CSMD1: variants seen among roughly 807,000 people sequenced by gnomAD.
The protein encoded by CSMD1 is CUB and Sushi multiple domains 1.
A neutral mutation model predicts 417.5 loss-of-function variants in CSMD1; 213 were observed. That is an observed-to-expected ratio of 0.51 (90% CI 0.46 to 0.57). The LOEUF is 0.57. CSMD1 is among the 20% of genes least tolerant of loss of function. The pLI is 0.00. For synonymous variants in CSMD1, 2,862 were observed against 1,736.8 expected (o/e 1.65, Z -16.11); for missense variants, 6,923 against 4,529.7 (o/e 1.53, Z -15.17).
chr8:3,286,386 C>T (rs1259567110), intron 25 of CSMD1, among the ~76,000 whole-genome samples: 1 of 151,912 alleles, frequency 6.6e-6, no homozygotes, highest in Non-Finnish European at 1.5e-5. Flanking sequence ...GTTCTAGATC[C>T]CTGAGGAATG....
At chr8:4,117,380 C>T (rs541747867) in intron 3 of CSMD1, among the ~76,000 whole-genome samples, 3 of 151,206 alleles carry the variant, frequency 2.0e-5, no homozygotes, top group African/African-American at 4.8e-5. Flanking sequence ...GGACACCAGG[C>T]AAAGGAGCTC....
chr8:3,848,520 G>A (rs116976559), intron 5 of CSMD1, among the ~76,000 whole-genome samples: 4 of 152,142 alleles, frequency 2.6e-5, no homozygotes, highest in African/African-American at 9.7e-5. Flanking sequence ...GCAAAAGCCT[G>A]AGAAGTTACT....
intron 3 of CSMD1, among the ~76,000 whole-genome samples, chr8:4,301,117 C>G (rs1797958472): frequency 6.6e-6 from 1 of 152,076 alleles, no homozygotes; most frequent in Non-Finnish European, 1.5e-5. Context: ...TGCAAAATTG[C>G]CCGTGTTTGA....
chr8:4,831,575 A>T (rs1310193141), intron 1 of CSMD1, among the ~76,000 whole-genome samples: 2 of 151,988 alleles, frequency 1.3e-5, no homozygotes, highest in African/African-American at 4.8e-5. Flanking sequence ...ACTCTTACAA[A>T]ATGTCATGCC....
chr8:4,147,487 C>G (rs766901375), intron 3 of CSMD1, among the ~76,000 whole-genome samples: 3 of 152,162 alleles, frequency 2.0e-5, no homozygotes, highest in Non-Finnish European at 4.4e-5. Flanking sequence ...TGCCTTTGTG[C>G]TCCCACCACA....
intron 2 of CSMD1, among the ~76,000 whole-genome samples, chr8:4,555,935 G>C (rs965698331): frequency 2.0e-5 from 3 of 152,006 alleles, no homozygotes; most frequent in African/African-American, 7.2e-5. Flanking sequence ...CTTTTCAACA[G>C]TTCCTTACTT....
rs78271163 is a variant in CSMD1 at position 4,047,246 on chromosome 8, C to G, written c.416-15147G>C. On this transcript the variant is annotated intron_variant, in intron 3 of 69. Transcript: ENST00000635120. ...TGACTCTAGTGTTCATCAAAGTCAT[C>G]TAAGTGGTAGGCACATGTATTCTGG... Among the ~76,000 whole-genome samples, 340 of 152,154 alleles carry G rather than the reference C, an allele frequency of 2.2e-3. 1 individual carries two copies. The highest frequency in any genetic ancestry group is 7.8e-3 in the African/African-American group (323 of 41,512).
At chr8:4,787,202 G>C (rs1473302315) in intron 1 of CSMD1, 3 of 458,462 alleles carry the variant, frequency 6.5e-6, no homozygotes, top group African/African-American at 2.0e-5. Context: ...AGGGTCGCGG[G>C]GCCCCGCCAG....
chr8:4,764,045 T>A (rs1415629550), intron 1 of CSMD1, among the ~76,000 whole-genome samples: 1 of 152,162 alleles, frequency 6.6e-6, no homozygotes, highest in Non-Finnish European at 1.5e-5. Flanking sequence ...TGCCCATGAA[T>A]TACGCTGGCA....
At chr8:4,936,545 G>A (rs1266101125) in intron 1 of CSMD1, among the ~76,000 whole-genome samples, 1 of 152,164 alleles carries the variant, frequency 6.6e-6, no homozygotes, top group Non-Finnish European at 1.5e-5. Flanking sequence ...ATAAATGTTT[G>A]GAGGTAGAAA....
At chr8:3,532,860 A>G (rs933898116) in intron 10 of CSMD1, among the ~76,000 whole-genome samples, 11 of 152,226 alleles carry the variant, frequency 7.2e-5, no homozygotes, top group African/African-American at 2.7e-4. Context: ...TACAGAAAAT[A>G]TAATTTCACA....
intron 1 of CSMD1, among the ~76,000 whole-genome samples, chr8:4,854,603 A>G (rs1333094222): frequency 6.6e-6 from 1 of 152,172 alleles, no homozygotes; most frequent in African/African-American, 2.4e-5. Context: ...TCACTTGGGA[A>G]GCGGAAGGGG....
intron 3 of CSMD1, among the ~76,000 whole-genome samples, chr8:4,406,573 G>A (rs1022288189): frequency 6.6e-6 from 1 of 152,178 alleles, no homozygotes; most frequent in East Asian, 1.9e-4. Flanking sequence ...GTAGGCATAT[G>A]AGCTTCTGAG....
At position 3,487,967 on chromosome 8, in the gene CSMD1, A is replaced by G. The variant is rs548354517; in HGVS notation, c.1448+5656T>C. Among the ~76,000 whole-genome samples the G allele has an allele frequency of 1.2e-4, 19 of 152,060 alleles. 1 individual carries two copies. The South Asian group carries it at 3.7e-3, about 30-fold the overall frequency. On this transcript the variant is annotated intron_variant, in intron 11 of 69. Coordinates refer to ENST00000635120, the MANE Select transcript of CSMD1 (RefSeq NM_033225.6). ...ATTAGAGATGTGTATTTTATGAGTA[A>G]TTTACTTTCCAGACACAGAAGACTA... is the stretch of plus-strand genomic sequence containing the variant.
intron 1 of CSMD1, among the ~76,000 whole-genome samples, chr8:4,772,228 C>T (rs1465048443): frequency 6.6e-6 from 1 of 152,186 alleles, no homozygotes; most frequent in Non-Finnish European, 1.5e-5. Context: ...GCAGCCTGGG[C>T]TCCTCAAATC....
chr8:4,248,786 C>A (rs576570704), intron 3 of CSMD1, among the ~76,000 whole-genome samples: 1 of 152,208 alleles, frequency 6.6e-6, no homozygotes, highest in Non-Finnish European at 1.5e-5. Context: ...CAGTTTTCCT[C>A]CTCTGAATGG....
intron 3 of CSMD1, among the ~76,000 whole-genome samples, chr8:4,299,149 T>A (rs1471986416): frequency 6.6e-6 from 1 of 152,170 alleles, no homozygotes; most frequent in African/African-American, 2.4e-5. Context: ...AAACAGATCG[T>A]GCTTTTCTTC....
intron 3 of CSMD1, among the ~76,000 whole-genome samples, chr8:4,212,523 A>C (rs566152868): frequency 3.9e-4 from 59 of 152,080 alleles, no homozygotes; most frequent in African/African-American, 1.1e-3. Context: ...TAGACATTAT[A>C]AAATTTTGAA....
At chr8:3,316,209 C>A (rs377155712) in intron 23 of CSMD1, among the ~76,000 whole-genome samples, 5 of 152,130 alleles carry the variant, frequency 3.3e-5, no homozygotes, top group Non-Finnish European at 7.3e-5. Flanking sequence ...TAAGAACTTA[C>A]AATTAGGTGC....
Sources: allele counts gnomAD v4.1 joint callset (sites outside exome capture counted in the v4.1 genomes callset), GRCh38; gene constraint gnomAD v4.1.1; transcripts MANE v1.5; gene names NCBI Gene and HGNC (gene_info 2026-07-23, HGNC 2026-07-21).